The following ZFP3 variants were observed in gnomAD, a reference collection of about 807,000 sequenced individuals.
ZFP3 encodes the protein ZFP3 zinc finger protein.
A neutral mutation model predicts 36.7 loss-of-function variants in ZFP3; 18 were observed. The ratio of observed to expected loss-of-function variants is 0.49; its 90% CI spans 0.34 to 0.73. The LOEUF (loss-of-function observed/expected upper bound fraction) is 0.73, where lower values mean the gene tolerates loss of function less well. Ranked by LOEUF, ZFP3 falls within the 30% of genes least tolerant of loss-of-function variation. ZFP3 has a pLI of 0.01. For synonymous variants in ZFP3, 218 were observed against 199.0 expected, an observed-to-expected ratio of 1.10 and a Z score of -0.81; for missense variants, 495 against 599.0, an observed-to-expected ratio of 0.83 and a Z score of 1.81.
Position 5,092,353 on chromosome 17 carries a change from C to T in ZFP3, c.849C>T (p.Cys283=), listed in dbSNP as rs757901939. The T allele has an allele frequency of 6.2e-7, 1 of 1,613,944 alleles. No individual in the cohort carries two copies. The highest frequency in any genetic ancestry group is 1.3e-5 in the African/African-American group (1 of 74,892). Residue 283 remains cysteine (C), a synonymous_variant, in exon 2 of 2, where the codon TGC becomes TGT. Coordinates refer to ENST00000318833, the MANE Select transcript of ZFP3 (RefSeq NM_153018.3). This position sits in a 1 kb window ranked among gnomAD's most constrained non-coding sequence, Gnocchi z 5.0. Reference sequence around the variant, plus strand: ...ATACTGAAGAAAGATACCATGAATGCAATGAGTGTGGCAAAGCCTTCAAGC... The same window carrying T: ...ATACTGAAGAAAGATACCATGAATGTAATGAGTGTGGCAAAGCCTTCAAGC... ...RIHTEERYHE[C]NECGKAFKHS... is the part of the protein sequence containing the mutation.
chr17:5,094,984 A>G lies in ZFP3; in HGVS notation c.*1971A>G, dbSNP rs1409630422. On this transcript the variant is annotated 3_prime_UTR_variant, in exon 2 of 2. Coordinates refer to ENST00000318833, the MANE Select transcript of ZFP3 (RefSeq NM_153018.3). ...TCCACAGCTAGTAAGAGCGACAGCC[A>G]AGACTCCAAACCTGGTTGATGCTCT... 1 of 167,138 alleles carries G rather than the reference A, an allele frequency of 6.0e-6. No homozygotes were observed. Among genetic ancestry groups the G allele is most frequent in the Non-Finnish European group, 1.5e-5 (1 of 68,122 alleles). The allele number at this position is 167,138 out of a possible 1,614,324, so 10.4% of individuals were successfully genotyped here. A position where few individuals can be genotyped will look rare whatever the true frequency, so the allele number is the denominator to read the frequency against.
intron 1 of ZFP3, 53 bp from the exon 2 acceptor site, chr17:5,091,444 G>C (rs2072148911): frequency 1.3e-6 from 2 of 1,541,622 alleles, no homozygotes; most frequent in African/African-American, 1.4e-5. Context: ...TCTAGTGTTA[G>C]CTTCATTTAA....
chr17:5,079,057 G>A (rs749627581), intron 1 of ZFP3, among the ~76,000 whole-genome samples: 17 of 152,174 alleles, frequency 1.1e-4, no homozygotes, highest in Non-Finnish European at 2.1e-4. Context: ...CCCTATTGTG[G>A]GTCAGAGGGA....
Position 5,091,885 on chromosome 17 carries a change from A to T in ZFP3, c.381A>T (p.Glu127Asp). The T allele has an allele frequency of 6.2e-7, 1 of 1,614,244 alleles. No individual in the cohort carries two copies. Among genetic ancestry groups the T allele is most frequent in the Non-Finnish European group, 8.5e-7 (1 of 1,180,048 alleles). ...TSGQNFLEILESNKTQRSSVG... is the reference protein window; with the variant it reads ...TSGQNFLEILDSNKTQRSSVG... The stretch of plus-strand genomic sequence containing the variant: ...GCCAAAACTTCCTAGAGATTTTAGA[A>T]TCTAACAAAACACAGAGAAGTTCTG... The change falls in exon 2 of 2, where the codon GAA becomes GAT. Residue 127 changes from glutamate (E) to aspartate (D), a missense_variant. Glu to Asp is a conservative substitution (Grantham distance 45). Around this residue, in one of 3 missense-constraint regions of ZFP3, gnomAD observed 229 missense variants for 233.8 expected, o/e 0.98. Transcript: ENST00000318833.
Position 5,094,276 on chromosome 17 carries a change from G to A in ZFP3, c.*1263G>A. 6.0e-6 allele frequency: 1 copy of A among 167,068 alleles called. No individual in the cohort carries two copies. 10.3% of individuals were successfully genotyped at this position (167,068 alleles called of 1,614,324 possible). A position where few individuals can be genotyped will look rare whatever the true frequency, so the allele number is the denominator to read the frequency against. ...TATGTTGCCCAGGCTGGTCTTGAAT[G>A]CCTGGGCTCCAGCAATCTTTTTGCC... On this transcript the variant is annotated 3_prime_UTR_variant, in exon 2 of 2. Transcript: ENST00000318833.
intron 1 of ZFP3, among the ~76,000 whole-genome samples, chr17:5,088,476 CTTTTT>C (rs71149522): frequency 7.6e-6 from 1 of 131,310 alleles, no homozygotes; most frequent in Admixed American, 7.6e-5. Context: ...CTACTGCTTT[CTTTTT>C]TTTTTTTTTT....
intron 1 of ZFP3, among the ~76,000 whole-genome samples, chr17:5,082,895 C>T (rs1174556246): frequency 6.6e-6 from 1 of 152,154 alleles, no homozygotes; most frequent in Non-Finnish European, 1.5e-5. Context: ...TACTACAAAT[C>T]ACTGTGTGGC....
chr17:5,088,350 C>T (rs565613996), intron 1 of ZFP3, among the ~76,000 whole-genome samples: 1 of 152,132 alleles, frequency 6.6e-6, no homozygotes, highest in Non-Finnish European at 1.5e-5. Context: ...TGACCTCTTC[C>T]GTATTTCCCC....
rs191157392 is a variant in ZFP3, at chr17:5,079,088, A to G, written c.-9+513A>G. ...AGGGAGAAGAGAGGAAAGGAGGTTAACAGTGCCATAAATTAAATATCACCC... is the reference window on the plus strand; with the variant it reads ...AGGGAGAAGAGAGGAAAGGAGGTTAGCAGTGCCATAAATTAAATATCACCC... On this transcript the variant is annotated intron_variant, in intron 1 of 1. Coordinates refer to ENST00000318833, the MANE Select transcript of ZFP3 (RefSeq NM_153018.3). Among the ~76,000 whole-genome samples, 144 of 152,366 alleles carry G rather than the reference A, an allele frequency of 9.5e-4. 1 individual carries two copies. Among genetic ancestry groups the G allele is most frequent in the African/African-American group, 3.4e-3 (140 of 41,586 alleles).
At position 5,083,846 on chromosome 17, in the gene ZFP3, A is replaced by ATT. The variant is rs71367882; in HGVS notation, c.-9+5274_-9+5275dup. Among the ~76,000 whole-genome samples, 3 of 148,674 alleles carry ATT rather than the reference A, an allele frequency of 2.0e-5. No individual in the cohort carries two copies. The South Asian group carries it at 6.5e-4, about 32-fold the overall frequency. On this transcript the variant is annotated intron_variant, in intron 1 of 1. Coordinates refer to ENST00000318833, the MANE Select transcript of ZFP3 (RefSeq NM_153018.3). ...GGGTTTTATGTGGCTTTCCATGCAG[A>ATT]TTTTCTTTTCTTTTCTTTTCTTTTC... is the stretch of plus-strand genomic sequence containing the variant.
chr17:5,081,432 G>T (rs2072092966), intron 1 of ZFP3, among the ~76,000 whole-genome samples: 1 of 152,106 alleles, frequency 6.6e-6, no homozygotes, highest in East Asian at 1.9e-4. Context: ...GACACTTTCT[G>T]TAACATCTTT....
intron 1 of ZFP3, among the ~76,000 whole-genome samples, chr17:5,086,404 T>C (rs1465180659): frequency 6.6e-6 from 1 of 152,166 alleles, no homozygotes; most frequent in Middle Eastern, 3.2e-3. Context: ...CCTTACCACA[T>C]GACTCCAGCC....
chr17:5,092,751 C>G lies in ZFP3; in HGVS notation c.1247C>G (p.Thr416Ser). 6.2e-7 allele frequency: 1 copy of G among 1,614,132 alleles called. No individual in the cohort carries two copies. Among genetic ancestry groups the G allele is most frequent in the Non-Finnish European group, 8.5e-7 (1 of 1,180,028 alleles). Residue 416 changes from threonine (T) to serine (S), a missense_variant, in exon 2 of 2, where the codon ACT becomes AGT. Physicochemically the swap from Thr to Ser is moderately conservative, Grantham distance 58 (BLOSUM62 1). This residue lies in a region of ZFP3 where 163 missense variants were observed against 178.4 expected (regional missense o/e 0.91). Transcript: ENST00000318833. The surrounding 1 kb of genome is among the most constrained non-coding windows in gnomAD (Gnocchi z 5.0). ...CTTATTGTCCACCAGAGAATTCATA[C>G]TGGAGAGAAACCCCATCAATGTAAT... ...SHLIVHQRIH[T>S]GEKPHQCNEC...
At chr17:5,079,883 T>C (rs989321198) in intron 1 of ZFP3, among the ~76,000 whole-genome samples, 9 of 151,842 alleles carry the variant, frequency 5.9e-5, no homozygotes, top group Non-Finnish European at 7.4e-5. Flanking sequence ...CTACTAGAAA[T>C]ACAAAATTAG....
chr17:5,080,158 T>C (rs945227610), intron 1 of ZFP3, among the ~76,000 whole-genome samples: 3 of 152,146 alleles, frequency 2.0e-5, no homozygotes, highest in Admixed American at 2.0e-4. Context: ...GGTAGTGAGA[T>C]GGCAGCAGCA....
intron 1 of ZFP3, among the ~76,000 whole-genome samples, chr17:5,081,266 G>A (rs989893471): frequency 3.3e-5 from 5 of 151,314 alleles, no homozygotes; most frequent in African/African-American, 1.2e-4. Context: ...GCTAATTTTT[G>A]TATTTTTACT....
Position 5,091,816 on chromosome 17 carries a change from T to C in ZFP3, c.312T>C (p.His104=). The part of the protein sequence containing the change: ...GCSPSPNLVT[H]QGDTTEGVSA... The stretch of plus-strand genomic sequence containing the variant: ...GTCCCAGCCCAAATCTGGTTACACA[T>C]CAGGGAGATACAACAGAGGGAGTTA... Residue 104 remains histidine, a synonymous_variant, in exon 2 of 2, where the codon CAT becomes CAC. Transcript: ENST00000318833. The C allele has an allele frequency of 6.2e-7, 1 of 1,614,152 alleles. No homozygotes were observed. The highest frequency in any genetic ancestry group is 1.1e-5 in the South Asian group (1 of 91,088).
In ZFP3 at chr17:5,092,896, T is replaced by C; in HGVS notation, c.1392T>C (p.Leu464=). 6.2e-7 allele frequency: 1 copy of C among 1,614,208 alleles called. No homozygotes were observed. The highest frequency in any genetic ancestry group is 8.5e-7 in the Non-Finnish European group (1 of 1,180,038). Residue 464 remains leucine (L), a synonymous_variant, in exon 2 of 2, where the codon CTT becomes CTC. Transcript: ENST00000318833. This position sits in a 1 kb window ranked among gnomAD's most constrained non-coding sequence, Gnocchi z 5.0. The stretch of plus-strand genomic sequence containing the variant: ...AAACATTTAGCCAGCATTCCCAACT[T>C]ATCATACATCAGAGAATTCACACTG... ...CEKTFSQHSQ[L]IIHQRIHTGE... is the part of the protein sequence containing the mutation.
chr17:5,089,503 G>T (rs561080378), intron 1 of ZFP3, among the ~76,000 whole-genome samples: 1 of 152,232 alleles, frequency 6.6e-6, no homozygotes, highest in African/African-American at 2.4e-5. Flanking sequence ...TAAAAAGCTG[G>T]GGAATGTATT....
Sources: allele counts gnomAD v4.1 joint callset (sites outside exome capture counted in the v4.1 genomes callset), GRCh38; gene constraint gnomAD v4.1.1; regional missense constraint gnomAD v4.1.1; non-coding constraint Gnocchi (gnomAD v3.1); transcripts MANE v1.5; gene names NCBI Gene and HGNC (gene_info 2026-07-23, HGNC 2026-07-21).